Variants in RGS22 observed in about 807,000 individuals in gnomAD.
RGS22 encodes the protein regulator of G-protein signaling 22.
A neutral mutation model predicts 172.9 loss-of-function variants in RGS22; 148 were observed. That is an observed-to-expected ratio of 0.86 (90% CI 0.75 to 0.98). The LOEUF is 0.98. Among genes scored for constraint, RGS22 ranks in the 50% least tolerant of loss-of-function variants. The pLI is 0.00. For synonymous variants in RGS22, 458 were observed against 480.2 expected (o/e 0.95, Z 0.60); for missense variants, 1,347 against 1,440.8 (o/e 0.93, Z 1.05).
intron 23 of RGS22, 94 bp downstream of exon 23, chr8:99,977,823 T>C: frequency 1.9e-6 from 2 of 1,059,284 alleles, no homozygotes; most frequent in Non-Finnish European, 2.7e-6. Flanking sequence ...CCATAACTTC[T>C]CTCTATATAT....
At chr8:100,038,887 T>C (rs752393314) in intron 14 of RGS22, 44 bp downstream of exon 14, 35 of 1,260,644 alleles carry the variant, frequency 2.8e-5, no homozygotes, top group Non-Finnish European at 3.7e-5. Context: ...CATTTCTCTG[T>C]GTACTTAGTG....
chr8:100,028,315 T>G (rs1267519837), intron 14 of RGS22, among the ~76,000 whole-genome samples: 1 of 152,124 alleles, frequency 6.6e-6, no homozygotes, highest in Non-Finnish European at 1.5e-5. Flanking sequence ...ATTTTTTAGA[T>G]GAAGAGTTTT....
At chr8:100,010,614 C>A (rs1051482291) in intron 14 of RGS22, among the ~76,000 whole-genome samples, 1 of 152,200 alleles carries the variant, frequency 6.6e-6, no homozygotes, top group African/African-American at 2.4e-5. Flanking sequence ...TGTGTCTTCT[C>A]TTCTAGACTG....
intron 11 of RGS22, chr8:100,046,435 G>GCT (rs1820724297): frequency 6.6e-6 from 1 of 151,428 alleles, no homozygotes; most frequent in South Asian, 2.1e-4. Flanking sequence ...TGATGATAAT[G>GCT]CTTTCTTCAT....
At chr8:100,046,740 G>T in intron 11 of RGS22, among the ~76,000 whole-genome samples, 1 of 151,554 alleles carries the variant, frequency 6.6e-6, no homozygotes, top group African/African-American at 2.4e-5. Flanking sequence ...AGGTGACTTC[G>T]GCATTTGAGG....
chr8:99,993,484 C>G (rs959852892), intron 20 of RGS22, among the ~76,000 whole-genome samples: 1 of 152,232 alleles, frequency 6.6e-6, no homozygotes, highest in East Asian at 1.9e-4. Context: ...ATACTATAAA[C>G]AACTCTATGC....
At chr8:100,039,885 A>C in intron 13 of RGS22, 77 bp downstream of exon 13, 2 of 798,938 alleles carry the variant, frequency 2.5e-6, no homozygotes, top group Non-Finnish European at 3.7e-6. Flanking sequence ...TAATTATGTG[A>C]GCACTTAATT....
intron 23 of RGS22, among the ~76,000 whole-genome samples, chr8:99,977,371 T>C (rs1396475641): frequency 2.7e-5 from 4 of 149,678 alleles, no homozygotes; most frequent in Non-Finnish European, 3.0e-5. Flanking sequence ...AATCCGCCCG[T>C]CTCGGCCTCC....
In RGS22 at chr8:100,003,908, T is replaced by C. The variant is rs1237456312; in HGVS notation, c.2627+18A>G. 4 of 1,545,020 alleles carry C rather than the reference T, an allele frequency of 2.6e-6. No individual in the cohort carries two copies. Among genetic ancestry groups the C allele is most frequent in the Non-Finnish European group, 8.7e-7 (1 of 1,143,928 alleles). On this transcript the variant is annotated intron_variant, in intron 17 of 27. Transcript: ENST00000360863. ...AGAAAAATGTTTTCAGTGAGAAATA[T>C]ATGGTTATGTCCCTCACCTTGAAGA...
At position 100,041,888 on chromosome 8, in the gene RGS22, CTT is replaced by C. The variant is rs1820172791; in HGVS notation, c.1850_1851del (p.Lys617SerfsTer9). On this transcript the variant is annotated frameshift_variant, in exon 12 of 28. Coordinates refer to ENST00000360863, the MANE Select transcript of RGS22 (RefSeq NM_015668.5). LOFTEE classifies it high-confidence loss of function. ...KGSKYMSESS[K>X]VIHLTSFTDI... ...TCAGTAAAAGATGTTAAATGAATGA[CTT>C]TGCTGCTTTCTGACATGTACTTTGA... is the stretch of plus-strand genomic sequence containing the variant. 1 of 1,612,234 alleles carries C rather than the reference CTT, an allele frequency of 6.2e-7. No homozygotes were observed. The highest frequency in any genetic ancestry group is 1.3e-5 in the African/African-American group (1 of 74,892).
chr8:100,100,454 TA>T (rs1813385422), intron 2 of RGS22, among the ~76,000 whole-genome samples: 1 of 152,204 alleles, frequency 6.6e-6, no homozygotes, highest in African/African-American at 2.4e-5. Context: ...CACGTCCAGC[TA>T]ATTTTTGTAT....
intron 2 of RGS22, among the ~76,000 whole-genome samples, chr8:100,099,224 T>C (rs1813274441): frequency 1.3e-5 from 2 of 152,098 alleles, no homozygotes; most frequent in South Asian, 4.1e-4. Context: ...CAGACTCCCT[T>C]TTATCCAATC....
chr8:100,068,413 A>G (rs1393575312), intron 6 of RGS22, among the ~76,000 whole-genome samples: 1 of 152,156 alleles, frequency 6.6e-6, no homozygotes, highest in East Asian at 1.9e-4. Flanking sequence ...ATATATATAC[A>G]GTGTTAAAGT....
At chr8:100,065,004 C>CA (rs1810437989) in intron 7 of RGS22, among the ~76,000 whole-genome samples, 1 of 152,146 alleles carries the variant, frequency 6.6e-6, no homozygotes, top group African/African-American at 2.4e-5. Context: ...TTTTCTCTTT[C>CA]AAAAATCAGT....
chr8:99,989,903 G>T (rs540754528), intron 20 of RGS22, among the ~76,000 whole-genome samples: 6 of 145,522 alleles, frequency 4.1e-5, no homozygotes, highest in Admixed American at 6.8e-5. Flanking sequence ...TAGATAGATA[G>T]ATATAGATAG....
At chr8:100,051,810 TGTTTATATATATTTATATATAA>T (rs1821539427) in intron 10 of RGS22, among the ~76,000 whole-genome samples, 1 of 36,344 alleles carries the variant, frequency 2.8e-5, no homozygotes, top group Admixed American at 6.1e-4. Flanking sequence ...TATATATAAA[TGTTTATATATATTTATATATAA>T]ATGTTTATAT....
chr8:100,070,631 T>G (rs1810897570), intron 6 of RGS22, among the ~76,000 whole-genome samples: 1 of 152,218 alleles, frequency 6.6e-6, no homozygotes, highest in Non-Finnish European at 1.5e-5. Flanking sequence ...GTTTTTTGTA[T>G]TGTTTTAGTA....
At chr8:99,988,195 T>C (rs976409850) in intron 20 of RGS22, among the ~76,000 whole-genome samples, 2 of 151,608 alleles carry the variant, frequency 1.3e-5, no homozygotes, top group African/African-American at 4.8e-5. Flanking sequence ...TAAATTATGA[T>C]TTAAAATAAT....
chr8:100,105,948 C>A lies in RGS22; in HGVS notation c.-27G>T. The A allele has an allele frequency of 6.9e-7, 1 of 1,453,504 alleles. No individual in the cohort carries two copies. Among genetic ancestry groups the A allele is most frequent in the South Asian group, 1.4e-5 (1 of 73,824 alleles). 90.0% of individuals were successfully genotyped at this position (1,453,504 alleles called of 1,614,324 possible). Reference sequence around the variant, plus strand: ...CCGTCCCCGCTGCCCGCGCCTGGAGCCCGCGCGGGCCGTCAGGGCCCTAGC... The same window carrying A: ...CCGTCCCCGCTGCCCGCGCCTGGAGACCGCGCGGGCCGTCAGGGCCCTAGC... On this transcript the variant is annotated 5_prime_UTR_variant, in exon 1 of 28. Transcript: ENST00000360863.
Sources: allele counts gnomAD v4.1 joint callset (sites outside exome capture counted in the v4.1 genomes callset), GRCh38; gene constraint gnomAD v4.1.1; transcripts MANE v1.5; gene names NCBI Gene and HGNC (gene_info 2026-07-23, HGNC 2026-07-21).